GANAB: variants seen among roughly 807,000 people sequenced by gnomAD.
The protein encoded by GANAB is glucosidase II alpha subunit, also known as neutral alpha-glucosidase AB.
In GANAB, 35 loss-of-function variants were observed where a neutral mutation model predicts 129.9. That is an observed-to-expected ratio of 0.27 (90% CI 0.21 to 0.36). The LOEUF is 0.36. GANAB is among the 10% of genes least tolerant of loss of function. GANAB has a pLI of 1.00. For synonymous variants in GANAB, 482 were observed against 451.8 expected (o/e 1.07, Z -0.85); for missense variants, 939 against 1,221.0 (o/e 0.77, Z 3.44).
At chr11:62,644,738 G>A (rs933318417) in intron 1 of GANAB, among the ~76,000 whole-genome samples, 1 of 152,062 alleles carries the variant, frequency 6.6e-6, no homozygotes, top group African/African-American at 2.4e-5. Context: ...CAGGAGAATC[G>A]CTTGAACTCG....
At position 62,629,593 on chromosome 11, in the gene GANAB, C is replaced by A; in HGVS notation, c.1829G>T (p.Arg610Leu). Residue 610 changes from arginine to leucine, a missense_variant, in exon 15 of 24, where the codon CGC becomes CTC. By Grantham distance (102) the Arg-to-Leu change is moderately radical (BLOSUM62 -2). This residue lies in a region of GANAB where 147 missense variants were observed against 282.4 expected (regional missense o/e 0.52). Transcript: ENST00000356638. Reference protein sequence around the residue: ...LARAFFAGSQRFGAVWTGDNT... With the variant: ...LARAFFAGSQLFGAVWTGDNT... ...CTCCATTCTCTAAACCTTACCAAAG[C>A]GCTGGGAGCCAGCGAAGAAGGCCCT... is the stretch of plus-strand genomic sequence containing the variant. The A allele has an allele frequency of 1.2e-6, 2 of 1,601,654 alleles. No homozygotes were observed. The highest frequency in any genetic ancestry group is 1.1e-5 in the South Asian group (1 of 89,904).
intron 1 of GANAB, among the ~76,000 whole-genome samples, chr11:62,642,407 A>C (rs563680044): frequency 6.6e-6 from 1 of 150,958 alleles, no homozygotes; most frequent in Non-Finnish European, 1.5e-5. Context: ...AAAAATTTTA[A>C]CTTAATCAGA....
In GANAB at chr11:62,630,846, C is replaced by T; in HGVS notation, c.1151-10G>A. 6.2e-7 allele frequency: 1 copy of T among 1,603,274 alleles called. No homozygotes were observed. The highest frequency in any genetic ancestry group is 8.5e-7 in the Non-Finnish European group (1 of 1,171,366). The stretch of plus-strand genomic sequence containing the variant: ...GGCAACGCCTGGGTTCCTGCAGGTT[C>T]ATGAGGGATGGGGGTCACAACGAGG... On this transcript the variant is annotated splice_polypyrimidine_tract_variant and intron_variant, in intron 10 of 23. Coordinates refer to ENST00000356638, the MANE Select transcript of GANAB (RefSeq NM_198334.3).
At position 62,634,862 on chromosome 11, in the gene GANAB, T is replaced by C; in HGVS notation, c.519A>G (p.Arg173=). The C allele has an allele frequency of 6.2e-7, 1 of 1,614,102 alleles. No individual in the cohort carries two copies. The highest frequency in any genetic ancestry group is 8.5e-7 in the Non-Finnish European group (1 of 1,179,970). Residue 173 remains arginine, a synonymous_variant, in exon 5 of 24, where the codon CGA becomes CGG. Transcript: ENST00000356638. Reference sequence around the variant, plus strand: ...TCTGATGCTCAAACTCCAAGAGTCCTCGGGCATTGACACTAAGCAAAAGAC... The same window carrying C: ...TCTGATGCTCAAACTCCAAGAGTCCCCGGGCATTGACACTAAGCAAAAGAC... ...DRSLLLSVNA[R]GLLEFEHQRA...
chr11:62,633,850 A>G (rs1413673471), intron 5 of GANAB: 2 of 443,766 alleles, frequency 4.5e-6, no homozygotes, highest in East Asian at 8.4e-5. Context: ...CTACTGAGAG[A>G]TTCTGGCCCC....
chr11:62,637,222 A>G (rs1240965426), intron 4 of GANAB, among the ~76,000 whole-genome samples: 1 of 152,212 alleles, frequency 6.6e-6, no homozygotes, highest in Non-Finnish European at 1.5e-5. Context: ...CTCAAGTATG[A>G]ACTTTAGTAA....
chr11:62,630,157 G>A (rs374288642), intron 13 of GANAB, 40 bp downstream of exon 13: 2 of 1,483,006 alleles, frequency 1.3e-6, no homozygotes, highest in South Asian at 1.2e-5. Context: ...GAGGCAGGTG[G>A]AACAGACAGA....
intron 1 of GANAB, among the ~76,000 whole-genome samples, chr11:62,646,048 G>A (rs1479515994): frequency 6.6e-6 from 1 of 152,228 alleles, no homozygotes; most frequent in Non-Finnish European, 1.5e-5. Flanking sequence ...ACTGAACTAA[G>A]CCAGAGCTGG....
chr11:62,633,288 A>C lies in GANAB; in HGVS notation c.631-17T>G, dbSNP rs901869250. ...CTCCTCTGGCTGTTAAGAAGAAAAGAGGACCACTCTCCAATCATACCAGTT... is the reference window on the plus strand; with the variant it reads ...CTCCTCTGGCTGTTAAGAAGAAAAGCGGACCACTCTCCAATCATACCAGTT... On this transcript the variant is annotated splice_polypyrimidine_tract_variant and intron_variant, in intron 6 of 23. Coordinates refer to ENST00000356638, the MANE Select transcript of GANAB (RefSeq NM_198334.3). 9 of 1,598,262 alleles carry C rather than the reference A, an allele frequency of 5.6e-6. No homozygotes were observed. In the African/African-American group the frequency reaches 1.2e-4, roughly 21 times the overall value.
At position 62,625,379 on chromosome 11, in the gene GANAB, T is replaced by C. The variant is rs1444969254; in HGVS notation, c.*436A>G. 6.9e-6 allele frequency: 3 copies of C among 436,350 alleles called. No individual in the cohort carries two copies. The highest frequency in any genetic ancestry group is 2.0e-5 in the African/African-American group (1 of 49,232). The allele number at this position is 436,350 out of a possible 1,614,324, so 27.0% of individuals were successfully genotyped here. ...AGAAATGAAAGGTGGGAGAGCAATCTGGTGGGAGGGAAGGGGAAAAGGAGC... is the reference window on the plus strand; with the variant it reads ...AGAAATGAAAGGTGGGAGAGCAATCCGGTGGGAGGGAAGGGGAAAAGGAGC... On this transcript the variant is annotated 3_prime_UTR_variant, in exon 24 of 24. Transcript: ENST00000356638.
chr11:62,633,705 T>C (rs1247760967), intron 5 of GANAB, 191 bp from the exon 6 acceptor site: 2 of 604,308 alleles, frequency 3.3e-6, no homozygotes, highest in Non-Finnish European at 5.9e-6. Context: ...GGGAGAGAAA[T>C]GAGAAAGGAA....
chr11:62,633,397 C>T, intron 6 of GANAB, 48 bp downstream of exon 6: 3 of 1,591,644 alleles, frequency 1.9e-6, no homozygotes, highest in African/African-American at 1.3e-5. Context: ...CTCCCCTCCA[C>T]CCTCCCAGCC....
In GANAB at chr11:62,629,954, A is replaced by C. The variant is rs1943585038; in HGVS notation, c.1597T>G (p.Ser533Ala). 6.2e-7 allele frequency: 1 copy of C among 1,613,928 alleles called. No homozygotes were observed. The highest frequency in any genetic ancestry group is 1.3e-5 in the African/African-American group (1 of 74,922). The change falls in exon 14 of 24, where the codon TCA (serine) becomes GCA (alanine). Residue 533 changes from serine (S) to alanine (A), a missense_variant. Physicochemically the swap from Ser to Ala is moderately conservative, Grantham distance 99. Transcript: ENST00000356638. ...NMFSYDNYEGSAPNLFVWNDM... is the reference protein window; with the variant it reads ...NMFSYDNYEGAAPNLFVWNDM... ...TTCCAGACAAAGAGGTTGGGAGCTG[A>C]GCCCTGGGAACGTGGGCAGAAAATG...
chr11:62,631,661 C>T (rs1003059125), intron 9 of GANAB, among the ~76,000 whole-genome samples: 1 of 151,986 alleles, frequency 6.6e-6, no homozygotes, highest in African/African-American at 2.4e-5. Flanking sequence ...CAGGGTTTCA[C>T]AATGTTGGCC....
At chr11:62,643,408 C>T (rs1233200825) in intron 1 of GANAB, among the ~76,000 whole-genome samples, 3 of 151,948 alleles carry the variant, frequency 2.0e-5, no homozygotes, top group African/African-American at 7.3e-5. Flanking sequence ...GAAGCTGAGG[C>T]GGGTGGATCA....
Position 62,627,069 on chromosome 11 carries a change from G to A in GANAB, c.2301C>T (p.Val767=), listed in dbSNP as rs781236509. Residue 767 remains valine (V), a synonymous_variant, in exon 19 of 24, where the codon GTC becomes GTT. Transcript: ENST00000356638. The part of the protein sequence containing the change: ...VSDSGAHGVQ[V]YLPGQGEVWY... ...TCACCTCCCCTTGGCCAGGCAGATA[G>A]ACCTGGACACCATGGGCTCCAGAGT... is the stretch of plus-strand genomic sequence containing the variant. 6.2e-7 allele frequency: 1 copy of A among 1,613,394 alleles called. No individual in the cohort carries two copies. The highest frequency in any genetic ancestry group is 1.7e-5 in the Admixed American group (1 of 60,004).
Position 62,625,509 on chromosome 11 carries a change from G to A in GANAB, c.*306C>T, listed in dbSNP as rs1943325033. The A allele has an allele frequency of 2.3e-6, 1 of 438,994 alleles. No homozygotes were observed. The highest frequency in any genetic ancestry group is 3.5e-5 in the Admixed American group (1 of 28,898). 27.2% of individuals were successfully genotyped at this position (438,994 alleles called of 1,614,324 possible). ...TCAGGGCTCCTAAATAAGGGAAAGA[G>A]AAGGGGCGACAAGGGCCCTGTGGTT... On this transcript the variant is annotated 3_prime_UTR_variant, in exon 24 of 24. Transcript: ENST00000356638.
chr11:62,626,981 G>A (rs1279170435), intron 19 of GANAB, 47 bp from the exon 20 acceptor site: 4 of 1,576,282 alleles, frequency 2.5e-6, no homozygotes, highest in Non-Finnish European at 3.5e-6. Flanking sequence ...CAGTGCACAG[G>A]GGTCCCGTCC....
intron 17 of GANAB, 22 bp from the exon 18 acceptor site, chr11:62,627,375 A>G: frequency 7.1e-7 from 1 of 1,406,236 alleles, no homozygotes; most frequent in Non-Finnish European, 1.0e-6. Context: ...GAAAGACAAT[A>G]AAGGAAAACT....
Sources: gnomAD v4.1 joint callset for allele counts (sites outside exome capture counted in the v4.1 genomes callset) on GRCh38, gnomAD v4.1.1 for gene constraint, gnomAD v4.1.1 regional missense constraint, MANE v1.5 for transcripts, NCBI Gene and HGNC (gene_info 2026-07-23, HGNC 2026-07-21) for gene names.